Variants in ASAP1 observed in about 807,000 individuals in gnomAD.
The protein encoded by ASAP1 is arf-GAP with SH3 domain, ANK repeat and PH domain-containing protein 1.
ASAP1 carries 43 observed loss-of-function variants against 145.2 expected under a neutral mutation model. That is an observed-to-expected ratio of 0.30 (90% CI 0.23 to 0.38). The LOEUF (loss-of-function observed/expected upper bound fraction) is 0.38, where lower values mean the gene tolerates loss of function less well. Ranked by LOEUF, ASAP1 falls within the 10% of genes least tolerant of loss-of-function variation. ASAP1 has a pLI of 1.00. For missense variants in ASAP1, 1,018 were observed against 1,355.3 expected (o/e 0.75, Z 3.91); for synonymous variants, 546 against 515.5 (o/e 1.06, Z -0.80).
chr8:130,202,637 C>T (rs1815938441), intron 5 of ASAP1, among the ~76,000 whole-genome samples: 1 of 152,158 alleles, frequency 6.6e-6, no homozygotes, highest in East Asian at 1.9e-4. Context: ...TCATGAATAT[C>T]TCTTGATAAT....
intron 5 of ASAP1, among the ~76,000 whole-genome samples, chr8:130,202,838 T>C (rs1565084217): frequency 6.6e-6 from 1 of 152,158 alleles, no homozygotes; most frequent in Non-Finnish European, 1.5e-5. Flanking sequence ...GAATTTTCAG[T>C]TGCTTAACAT....
intron 12 of ASAP1, 102 bp downstream of exon 12, chr8:130,159,762 C>G: frequency 1.1e-6 from 1 of 879,578 alleles, no homozygotes; most frequent in Non-Finnish European, 1.9e-6. Context: ...AGGTCTGCAG[C>G]TAGTGTATTA....
intron 5 of ASAP1, among the ~76,000 whole-genome samples, chr8:130,209,752 G>A (rs574062972): frequency 6.6e-6 from 1 of 152,068 alleles, no homozygotes; most frequent in Non-Finnish European, 1.5e-5. Context: ...AATTTTTTGA[G>A]TTGCAAGTTG....
At chr8:130,196,090 C>T (rs1046410930) in intron 5 of ASAP1, among the ~76,000 whole-genome samples, 4 of 152,168 alleles carry the variant, frequency 2.6e-5, no homozygotes, top group East Asian at 1.9e-4. Flanking sequence ...GCCTGTAATC[C>T]GAGCACGCTG....
chr8:130,103,531 T>C (rs1245064794), intron 24 of ASAP1, among the ~76,000 whole-genome samples: 1 of 152,096 alleles, frequency 6.6e-6, no homozygotes, highest in Non-Finnish European at 1.5e-5. Context: ...GAGATGGAGT[T>C]TCGCTCTTGT....
chr8:130,056,813 G>A (rs1466405505), intron 29 of ASAP1, among the ~76,000 whole-genome samples: 1 of 152,214 alleles, frequency 6.6e-6, no homozygotes, highest in Admixed American at 6.5e-5. Context: ...GCCAAGGAAG[G>A]GGAATTTTCA....
intron 1 of ASAP1, among the ~76,000 whole-genome samples, chr8:130,413,129 G>A (rs751230568): frequency 6.6e-6 from 1 of 152,196 alleles, no homozygotes; most frequent in Non-Finnish European, 1.5e-5. Context: ...AGTTTTTACA[G>A]CTAATAAATG....
In ASAP1 at chr8:130,424,776, G is replaced by A. The variant is rs149034274; in HGVS notation, c.-28+18684C>T. Among the ~76,000 whole-genome samples the A allele has an allele frequency of 3.8e-3, 584 of 152,166 alleles. 5 individuals are homozygous for A. Among genetic ancestry groups the A allele is most frequent in the African/African-American group, 0.014 (568 of 41,500 alleles). On this transcript the variant is annotated intron_variant, in intron 1 of 29. Transcript: ENST00000518721. ...TGGTAGGTCAAGGTGGGCGGATCACGAGGTCAGGAGATCAAGACCATCTTG... is the reference window on the plus strand; with the variant it reads ...TGGTAGGTCAAGGTGGGCGGATCACAAGGTCAGGAGATCAAGACCATCTTG...
intron 2 of ASAP1, among the ~76,000 whole-genome samples, chr8:130,389,476 C>T (rs955859174): frequency 1.3e-5 from 2 of 152,316 alleles, no homozygotes; most frequent in African/African-American, 4.8e-5. Context: ...TATTACAAAA[C>T]CAAATCTTAT....
chr8:130,102,140 C>T (rs1302235450), intron 24 of ASAP1, among the ~76,000 whole-genome samples: 1 of 152,264 alleles, frequency 6.6e-6, no homozygotes, highest in East Asian at 1.9e-4. Context: ...ACTATCTGAG[C>T]AGGAGTGGTC....
intron 1 of ASAP1, among the ~76,000 whole-genome samples, chr8:130,435,130 G>A (rs1184013295): frequency 6.6e-6 from 1 of 152,100 alleles, no homozygotes; most frequent in African/African-American, 2.4e-5. Context: ...TGGCGGGGAG[G>A]GTGACTCAGG....
intron 7 of ASAP1, among the ~76,000 whole-genome samples, chr8:130,186,024 T>C (rs1315046871): frequency 1.3e-5 from 2 of 152,202 alleles, no homozygotes; most frequent in Admixed American, 6.5e-5. Flanking sequence ...TCTACAAGTG[T>C]AGAACAAGGT....
intron 4 of ASAP1, among the ~76,000 whole-genome samples, chr8:130,225,253 G>A (rs1385263928): frequency 6.6e-6 from 1 of 152,082 alleles, no homozygotes; most frequent in Non-Finnish European, 1.5e-5. Context: ...CTTTGCCATG[G>A]AGAAATTTAA....
At chr8:130,359,212 C>T (rs1202264334) in intron 2 of ASAP1, among the ~76,000 whole-genome samples, 1 of 149,312 alleles carries the variant, frequency 6.7e-6, no homozygotes, top group Admixed American at 6.7e-5. Flanking sequence ...TTCATTTGCA[C>T]TTTTTTTTTT....
chr8:130,291,213 C>T (rs1188917967), intron 3 of ASAP1, among the ~76,000 whole-genome samples: 1 of 152,184 alleles, frequency 6.6e-6, no homozygotes. Context: ...TCAAATTCTC[C>T]TAGTGTCGAA....
chr8:130,344,823 C>A (rs775700821), intron 3 of ASAP1, among the ~76,000 whole-genome samples: 1 of 152,010 alleles, frequency 6.6e-6, no homozygotes, highest in Non-Finnish European at 1.5e-5. Flanking sequence ...GAGCTACTAG[C>A]GCAAAACAGA....
intron 3 of ASAP1, among the ~76,000 whole-genome samples, chr8:130,301,240 T>C (rs540652287): frequency 1.0e-3 from 159 of 152,196 alleles, no homozygotes; most frequent in Admixed American, 5.2e-3. Flanking sequence ...GTTGTACCAA[T>C]GCCTGCTCTT....
chr8:130,081,169 G>A (rs1051912843), intron 25 of ASAP1, among the ~76,000 whole-genome samples: 2 of 152,226 alleles, frequency 1.3e-5, no homozygotes, highest in Admixed American at 1.3e-4. Flanking sequence ...AGTAGGGAAT[G>A]CTGTCTGGGG....
At chr8:130,100,751 A>T (rs530613971) in intron 24 of ASAP1, among the ~76,000 whole-genome samples, 15 of 152,326 alleles carry the variant, frequency 9.8e-5, no homozygotes, top group Admixed American at 9.1e-4. Flanking sequence ...GTCCCTTGTA[A>T]GATGAATAGT....
Sources: allele counts gnomAD v4.1 joint callset (sites outside exome capture counted in the v4.1 genomes callset), GRCh38; gene constraint gnomAD v4.1.1; transcripts MANE v1.5; gene names NCBI Gene and HGNC (gene_info 2026-07-23, HGNC 2026-07-21).